GRIK4: variants seen among roughly 807,000 people sequenced by gnomAD.
GRIK4 encodes glutamate receptor ionotropic, kainate 4.
Under a neutral mutation model 104.9 loss-of-function variants are expected in GRIK4, and 40 were observed. The observed-to-expected ratio is 0.38, with a 90% confidence interval of 0.30 to 0.50. The LOEUF is 0.50. Ranked by LOEUF, GRIK4 falls within the 20% of genes least tolerant of loss-of-function variation. GRIK4 has a pLI of 0.93. For synonymous variants in GRIK4, 485 were observed against 524.9 expected, an observed-to-expected ratio of 0.92 and a Z score of 1.04; for missense variants, 1,047 against 1,308.1, an observed-to-expected ratio of 0.80 and a Z score of 3.08.
chr11:120,533,022 G>A (rs868211804), intron 1 of GRIK4, among the ~76,000 whole-genome samples: 3 of 152,204 alleles, frequency 2.0e-5, no homozygotes, highest in Non-Finnish European at 4.4e-5. Context: ...ATGCAATGCG[G>A]TGTGATGTGC....
intron 8 of GRIK4, among the ~76,000 whole-genome samples, chr11:120,843,682 T>C (rs1953779064): frequency 8.9e-6 from 1 of 112,784 alleles, no homozygotes; most frequent in African/African-American, 3.5e-5. Context: ...GGGTGAGCTA[T>C]TTTACCTTGC....
chr11:120,898,057 A>G (rs1242532073), intron 11 of GRIK4, among the ~76,000 whole-genome samples: 1 of 152,204 alleles, frequency 6.6e-6, no homozygotes, highest in African/African-American at 2.4e-5. Context: ...GTTTAGGTTC[A>G]TTCATTCATT....
chr11:120,544,722 G>A (rs1028861313), intron 1 of GRIK4, among the ~76,000 whole-genome samples: 2 of 152,186 alleles, frequency 1.3e-5, no homozygotes, highest in African/African-American at 2.4e-5. Flanking sequence ...TTACCACGGG[G>A]ACATGGAAAG....
intron 1 of GRIK4, among the ~76,000 whole-genome samples, chr11:120,532,034 G>A (rs1336597655): frequency 4.6e-5 from 7 of 152,134 alleles, no homozygotes; most frequent in Non-Finnish European, 2.9e-5. Context: ...CTGGATGTGG[G>A]GCAGGTGGAA....
chr11:120,564,023 G>C (rs1591696657), intron 1 of GRIK4, among the ~76,000 whole-genome samples: 2 of 152,186 alleles, frequency 1.3e-5, no homozygotes, highest in Admixed American at 6.5e-5. Context: ...GAAAGGTTAG[G>C]GGGTGGGTAG....
At chr11:120,781,662 C>T (rs2846104) in intron 3 of GRIK4, among the ~76,000 whole-genome samples, 2 of 152,146 alleles carry the variant, frequency 1.3e-5, no homozygotes, top group African/African-American at 4.8e-5. Context: ...CTGTCTGTGT[C>T]TTCACAAGCC....
rs957538804 is a variant in GRIK4 at position 120,960,730 on chromosome 11, C to T, written c.1875-179C>T. 5.9e-5 allele frequency among the ~76,000 whole-genome samples: 9 copies of T among 152,350 alleles called. 1 individual carries two copies. The highest frequency in any genetic ancestry group is 2.1e-4 in the South Asian group (1 of 4,822). ...TCTTCTTCCAGGCAGTGCTCACAAA[C>T]GCGATTCATTTCTGTTGACATCATA... On this transcript the variant is annotated intron_variant, in intron 16 of 20. Transcript: ENST00000527524.
intron 11 of GRIK4, among the ~76,000 whole-genome samples, chr11:120,879,175 C>T (rs902603668): frequency 2.7e-4 from 41 of 152,192 alleles, no homozygotes; most frequent in Admixed American, 2.3e-3. Context: ...TGGCAAAGCC[C>T]GTGCTCTCGG....
intron 1 of GRIK4, among the ~76,000 whole-genome samples, chr11:120,583,386 G>A (rs1948614224): frequency 6.6e-6 from 1 of 152,148 alleles, no homozygotes; most frequent in Non-Finnish European, 1.5e-5. Flanking sequence ...TGTTTCTGTT[G>A]GAGTTGCTTT....
chr11:120,828,740 C>T (rs1423946201), intron 6 of GRIK4, among the ~76,000 whole-genome samples: 1 of 152,178 alleles, frequency 6.6e-6, no homozygotes, highest in Non-Finnish European at 1.5e-5. Flanking sequence ...GCCTCCTCCT[C>T]TCTCCTGTCC....
intron 3 of GRIK4, among the ~76,000 whole-genome samples, chr11:120,719,089 T>A (rs549115315): frequency 3.9e-5 from 6 of 152,286 alleles, no homozygotes; most frequent in South Asian, 2.1e-4. Flanking sequence ...GAGTTTTTTT[T>A]AAAGTGTATA....
chr11:120,600,403 T>G (rs941767274), intron 1 of GRIK4, among the ~76,000 whole-genome samples: 11 of 152,204 alleles, frequency 7.2e-5, no homozygotes, highest in Non-Finnish European at 1.2e-4. Context: ...TCAAATCAGC[T>G]TTGGCTGCCT....
At chr11:120,639,150 C>T (rs1002397313) in intron 1 of GRIK4, among the ~76,000 whole-genome samples, 41 of 151,960 alleles carry the variant, frequency 2.7e-4, no homozygotes, top group Non-Finnish European at 4.4e-4. Context: ...GCTGAGATCA[C>T]GCCATTGCAC....
intron 8 of GRIK4, among the ~76,000 whole-genome samples, chr11:120,861,149 C>CAATT (rs1954254237): frequency 8.1e-6 from 1 of 123,410 alleles, no homozygotes; most frequent in African/African-American, 3.1e-5. Flanking sequence ...GCTCTTCTTG[C>CAATT]CCAGGCTGGA....
At chr11:120,601,171 C>T (rs1466917890) in intron 1 of GRIK4, among the ~76,000 whole-genome samples, 14 of 150,722 alleles carry the variant, frequency 9.3e-5, no homozygotes, top group South Asian at 2.1e-4. Flanking sequence ...TTTGGGAGGC[C>T]GAGGCAGGTA....
At chr11:120,692,892 C>G (rs1322999336) in intron 3 of GRIK4, among the ~76,000 whole-genome samples, 1 of 149,970 alleles carries the variant, frequency 6.7e-6, no homozygotes, top group African/African-American at 2.5e-5. Flanking sequence ...CCACCATGCC[C>G]AGCTAATTTT....
At chr11:120,659,498 G>A (rs1330797038) in intron 2 of GRIK4, among the ~76,000 whole-genome samples, 7 of 152,190 alleles carry the variant, frequency 4.6e-5, no homozygotes, top group Non-Finnish European at 1.0e-4. Context: ...ACTCCACCAG[G>A]AGGGGTTGTT....
Position 120,647,358 on chromosome 11 carries a change from C to T in GRIK4, c.-158-6327C>T, listed in dbSNP as rs537704499. ...CTGTTAACTTCTCCAGGCCATCGGGCGCCCCTTGGTCCCATGGATTTTTTG... is the reference window on the plus strand; with the variant it reads ...CTGTTAACTTCTCCAGGCCATCGGGTGCCCCTTGGTCCCATGGATTTTTTG... On this transcript the variant is annotated intron_variant, in intron 1 of 20. Transcript: ENST00000527524. 1.3e-4 allele frequency among the ~76,000 whole-genome samples: 20 copies of T among 152,320 alleles called. No homozygotes were observed. The South Asian group carries it at 1.9e-3, about 14-fold the overall frequency.
At chr11:120,835,155 C>T (rs1338683512) in intron 7 of GRIK4, among the ~76,000 whole-genome samples, 4 of 152,210 alleles carry the variant, frequency 2.6e-5, no homozygotes, top group Non-Finnish European at 5.9e-5. Flanking sequence ...AGCATTTGCC[C>T]TCCAGCTTCC....
Sources: gnomAD v4.1 joint callset for allele counts (sites outside exome capture counted in the v4.1 genomes callset) on GRCh38, gnomAD v4.1.1 for gene constraint, MANE v1.5 for transcripts, NCBI Gene and HGNC (gene_info 2026-07-23, HGNC 2026-07-21) for gene names.